KANK1: variants seen among roughly 807,000 people sequenced by gnomAD.
The protein encoded by KANK1 is KN motif and ankyrin repeat domains 1, also known as KN motif and ankyrin repeat domain-containing protein 1.
Under a neutral mutation model 106.2 loss-of-function variants are expected in KANK1, and 109 were observed. The ratio of observed to expected loss-of-function variants is 1.03; its 90% CI spans 0.88 to 1.20. The LOEUF is 1.20. Among genes scored for constraint, KANK1 ranks in the 50% most tolerant of loss-of-function variants. The probability of loss-of-function intolerance (pLI) is 0.00; values close to 1 mark genes in which losing one functional copy is unlikely to be tolerated. For missense variants in KANK1, 2,399 were observed against 1,710.7 expected (o/e 1.40, Z -7.10); for synonymous variants, 873 against 652.2 (o/e 1.34, Z -5.16).
intron 3 of KANK1, among the ~76,000 whole-genome samples, chr9:487,066 G>T (rs1387667044): frequency 6.6e-6 from 1 of 152,182 alleles, no homozygotes. Flanking sequence ...TTATGTAGAA[G>T]AAAGATATGC....
intron 1 of KANK1, among the ~76,000 whole-genome samples, chr9:616,349 A>G (rs1386299071): frequency 6.6e-6 from 1 of 152,136 alleles, no homozygotes; most frequent in Non-Finnish European, 1.5e-5. Flanking sequence ...AAGATAGTAG[A>G]TCTTGTGCTG....
intron 1 of KANK1, among the ~76,000 whole-genome samples, chr9:644,018 A>T (rs76980872): frequency 0.07 from 10,582 of 150,734 alleles, 878 homozygotes; most frequent in African/African-American, 0.13. Flanking sequence ...TTGTTTTTGC[A>T]TGTGAGAAAA....
intron 2 of KANK1, among the ~76,000 whole-genome samples, chr9:690,667 C>CCA (rs1819700920): frequency 6.6e-6 from 1 of 152,160 alleles, no homozygotes; most frequent in African/African-American, 2.4e-5. Flanking sequence ...ATTCAGGCCA[C>CCA]CACTCACTAC....
intron 1 of KANK1, among the ~76,000 whole-genome samples, chr9:620,204 C>T (rs1832811773): frequency 6.6e-6 from 1 of 151,374 alleles, no homozygotes; most frequent in Non-Finnish European, 1.5e-5. Flanking sequence ...AAAACTTTGT[C>T]AGGTACACTG....
chr9:644,853 G>A (rs1249719888), intron 1 of KANK1, among the ~76,000 whole-genome samples: 1 of 151,204 alleles, frequency 6.6e-6, no homozygotes, highest in African/African-American at 2.5e-5. Flanking sequence ...AGGTGTGGTG[G>A]CTCACGCCTG....
At chr9:637,176 A>G (rs780276292) in intron 1 of KANK1, among the ~76,000 whole-genome samples, 6 of 152,146 alleles carry the variant, frequency 3.9e-5, no homozygotes, top group African/African-American at 9.7e-5. Context: ...TCTCAACCCT[A>G]TTCTTTCTCA....
At chr9:644,716 A>G (rs1018360172) in intron 1 of KANK1, among the ~76,000 whole-genome samples, 2 of 151,024 alleles carry the variant, frequency 1.3e-5, no homozygotes, top group Admixed American at 1.3e-4. Context: ...ACTCGGGATT[A>G]CTGTTCAACA....
chr9:598,247 C>T (rs1016422030), intron 1 of KANK1, among the ~76,000 whole-genome samples: 3 of 151,518 alleles, frequency 2.0e-5, no homozygotes, highest in African/African-American at 4.9e-5. Flanking sequence ...AGTACTACAC[C>T]GTTTTTGATT....
At chr9:541,325 GAA>G (rs914984352) in intron 1 of KANK1, among the ~76,000 whole-genome samples, 1 of 152,140 alleles carries the variant, frequency 6.6e-6, no homozygotes, top group Non-Finnish European at 1.5e-5. Flanking sequence ...ACACAATGGG[GAA>G]AAGAGAGTCT....
At chr9:592,960 G>C (rs183898808) in intron 1 of KANK1, among the ~76,000 whole-genome samples, 1 of 151,990 alleles carries the variant, frequency 6.6e-6, no homozygotes, top group African/African-American at 2.4e-5. Context: ...TACCAAGAAA[G>C]ATGATCTTGG....
At chr9:519,894 C>T (rs1469907921) in intron 1 of KANK1, among the ~76,000 whole-genome samples, 1 of 151,724 alleles carries the variant, frequency 6.6e-6, no homozygotes, top group Non-Finnish European at 1.5e-5. Context: ...TCATTCCATT[C>T]CATTGATCAT....
chr9:577,071 G>A (rs149335402), intron 1 of KANK1, among the ~76,000 whole-genome samples: 1 of 152,296 alleles, frequency 6.6e-6, no homozygotes, highest in East Asian at 1.9e-4. Context: ...GACCTTTGCA[G>A]TGTTACAGGT....
chr9:591,424 A>G (rs1824849071), intron 1 of KANK1, among the ~76,000 whole-genome samples: 3 of 151,772 alleles, frequency 2.0e-5, no homozygotes, highest in Admixed American at 2.0e-4. Context: ...TGAGCTCGTC[A>G]TGGCATTCTT....
chr9:711,120 C>G lies in KANK1; in HGVS notation c.354C>G (p.Ile118Met). 9 of 1,614,160 alleles carry G rather than the reference C, an allele frequency of 5.6e-6. No individual in the cohort carries two copies. Among genetic ancestry groups the G allele is most frequent in the Non-Finnish European group, 7.6e-6 (9 of 1,180,038 alleles). ...GAAGTCAAGTTACATCAACTCCAAT[C>G]TCAAAGCCACCTCCCCCTCTGGAGA... is the stretch of plus-strand genomic sequence containing the variant. ...IARSQVTSTP[I>M]SKPPPPLETS... The change falls in exon 3 of 12, where the codon ATC (isoleucine) becomes ATG (methionine). Residue 118 changes from isoleucine (I) to methionine (M), a missense_variant. Physicochemically the swap from Ile to Met is conservative, Grantham distance 10 (BLOSUM62 1). Transcript: ENST00000382297.
At chr9:643,292 C>G (rs1374712753) in intron 1 of KANK1, among the ~76,000 whole-genome samples, 1 of 150,784 alleles carries the variant, frequency 6.6e-6, no homozygotes, top group Non-Finnish European at 1.5e-5. Flanking sequence ...CTTTAAATAT[C>G]TTTTTGATTA....
In KANK1 at chr9:712,021, T is replaced by G; in HGVS notation, c.1255T>G (p.Ser419Ala). Residue 419 changes from serine (S) to alanine (A), a missense_variant, in exon 3 of 12, where the codon TCC becomes GCC. By Grantham distance (99) the Ser-to-Ala change is moderately conservative. Transcript: ENST00000382297. The stretch of plus-strand genomic sequence containing the variant: ...CGACATCGTCGTGTACCACAGAGGC[T>G]CCAGGTCCTGTAAGGATGCAGCTGT... ...MNDIVVYHRG[S>A]RSCKDAAVGT... 6.2e-7 allele frequency: 1 copy of G among 1,614,088 alleles called. No individual in the cohort carries two copies.
intron 3 of KANK1, among the ~76,000 whole-genome samples, chr9:490,843 C>T (rs897268816): frequency 6.6e-5 from 10 of 151,478 alleles, no homozygotes; most frequent in African/African-American, 2.4e-4. Flanking sequence ...TATATTCTGA[C>T]ACAGGAAAAC....
chr9:692,995 C>CTA (rs1487120940), intron 2 of KANK1, among the ~76,000 whole-genome samples: 4 of 151,888 alleles, frequency 2.6e-5, no homozygotes, highest in African/African-American at 9.7e-5. Flanking sequence ...GAGTGATACA[C>CTA]TATCTCAAAA....
chr9:528,390 T>C (rs2059900987), intron 1 of KANK1, among the ~76,000 whole-genome samples: 1 of 151,852 alleles, frequency 6.6e-6, no homozygotes, highest in East Asian at 1.9e-4. Flanking sequence ...CTATTTTCTA[T>C]GTCTTGGTCT....
Sources: gnomAD v4.1 joint callset for allele counts (sites outside exome capture counted in the v4.1 genomes callset) on GRCh38, gnomAD v4.1.1 for gene constraint, MANE v1.5 for transcripts, NCBI Gene and HGNC (gene_info 2026-07-23, HGNC 2026-07-21) for gene names.